Variants in NCAN observed in about 807,000 individuals in gnomAD.
NCAN encodes the protein neurocan.
NCAN carries 47 observed loss-of-function variants against 121.8 expected under a neutral mutation model. The observed-to-expected ratio is 0.39, with a 90% confidence interval of 0.31 to 0.49. The LOEUF is 0.49. NCAN is among the 20% of genes least tolerant of loss of function. The pLI, the probability that NCAN is intolerant of heterozygous loss-of-function variation, is 0.92. For missense variants in NCAN, 1,517 were observed against 1,773.4 expected (o/e 0.86, Z 2.60); for synonymous variants, 633 against 702.0 (o/e 0.90, Z 1.55).
intron 3 of NCAN, among the ~76,000 whole-genome samples, chr19:19,223,394 C>T (rs1389099433): frequency 6.6e-6 from 1 of 152,088 alleles, no homozygotes; most frequent in Non-Finnish European, 1.5e-5. Context: ...CTTTCTGACC[C>T]TAAGTTTCCT....
rs770184569 is a variant in NCAN at position 19,226,821 on chromosome 19, G to T, written c.1408G>T (p.Val470Leu). 20 of 1,613,182 alleles carry T rather than the reference G, an allele frequency of 1.2e-5. No homozygotes were observed. Among genetic ancestry groups the T allele is most frequent in the Admixed American group, 1.7e-5 (1 of 60,000 alleles). ...AGTAASSHTE[V>L]APTDPMPRRR... ...CACTGCAGCAAGTTCACACACGGAG[G>T]TGGCCCCAACTGACCCTATGCCTAG... Residue 470 changes from valine (V) to leucine (L), a missense_variant, in exon 7 of 15, where the codon GTG (valine) becomes TTG (leucine). Physicochemically the swap from Val to Leu is conservative, Grantham distance 32. Coordinates refer to ENST00000252575, the MANE Select transcript of NCAN (RefSeq NM_004386.3).
chr19:19,225,149 G>A lies in NCAN; in HGVS notation c.951G>A (p.Pro317=), dbSNP rs573416265. Residue 317 remains proline, a synonymous_variant, in exon 6 of 15, where the codon CCG becomes CCA. Coordinates refer to ENST00000252575, the MANE Select transcript of NCAN (RefSeq NM_004386.3). The surrounding 1 kb of genome is among the most constrained non-coding windows in gnomAD (Gnocchi z 4.0). ...GWLADGSVRY[P]IQTPRRRCGG... is the part of the protein sequence containing the mutation. ...TGGCCGACGGCAGCGTGCGCTACCC[G>A]ATCCAGACGCCGCGCCGGCGCTGCG... 1.3e-6 allele frequency: 2 copies of A among 1,530,626 alleles called. No homozygotes were observed. The highest frequency in any genetic ancestry group is 2.4e-5 in the South Asian group (2 of 83,538). 94.8% of individuals were successfully genotyped at this position (1,530,626 alleles called of 1,614,324 possible).
At position 19,245,474 on chromosome 19, in the gene NCAN, G is replaced by A; in HGVS notation, c.3637+17G>A. 1 of 1,607,764 alleles carries A rather than the reference G, an allele frequency of 6.2e-7. No homozygotes were observed. The highest frequency in any genetic ancestry group is 8.5e-7 in the Non-Finnish European group (1 of 1,176,196). On this transcript the variant is annotated intron_variant, in intron 13 of 14. Transcript: ENST00000252575. Reference sequence around the variant, plus strand: ...AGGGCACAGGTATGCTGTGCCCCCTGCTTCTTTTCCTCTCTGTCACTTTTG... The same window carrying A: ...AGGGCACAGGTATGCTGTGCCCCCTACTTCTTTTCCTCTCTGTCACTTTTG...
chr19:19,215,135 C>T (rs990496737), intron 1 of NCAN, among the ~76,000 whole-genome samples: 1 of 152,060 alleles, frequency 6.6e-6, no homozygotes, highest in Admixed American at 6.5e-5. Flanking sequence ...AGTTCAGCAC[C>T]ACGGACAGGT....
At chr19:19,248,269 AC>A (rs1349242227) in intron 13 of NCAN, among the ~76,000 whole-genome samples, 2 of 151,982 alleles carry the variant, frequency 1.3e-5, no homozygotes, top group East Asian at 3.9e-4. Flanking sequence ...ATATGACGAA[AC>A]CCGGTCTCTA....
At chr19:19,238,130 G>A in intron 10 of NCAN, 123 bp from the exon 11 acceptor site, 2 of 1,250,268 alleles carry the variant, frequency 1.6e-6, no homozygotes, top group Non-Finnish European at 2.3e-6. Flanking sequence ...CATGGGGAGA[G>A]GGGTGATTTC....
chr19:19,245,998 G>A (rs544650482), intron 13 of NCAN, among the ~76,000 whole-genome samples: 2 of 151,704 alleles, frequency 1.3e-5, no homozygotes, highest in African/African-American at 4.8e-5. Flanking sequence ...AAGGTGGGTG[G>A]GATTATATTT....
At chr19:19,232,281 C>T (rs1425076721) in intron 8 of NCAN, among the ~76,000 whole-genome samples, 6 of 152,266 alleles carry the variant, frequency 3.9e-5, no homozygotes, top group East Asian at 1.9e-4. Context: ...GCTACCCACC[C>T]GCCGCTTGCA....
chr19:19,235,002 C>T lies in NCAN; in HGVS notation c.3156C>T (p.Cys1052=). ...NCEIDIDDCL[C]SPCENGGTCI... is the part of the protein sequence containing the mutation. ...TGCCAGACATTGATGACTGCCTCTG[C>T]AGCCCCTGTGAGAATGGAGGCACCT... The change falls in exon 10 of 15, where the codon TGC becomes TGT. Residue 1052 remains cysteine (C), a synonymous_variant. Coordinates refer to ENST00000252575, the MANE Select transcript of NCAN (RefSeq NM_004386.3). 6.2e-7 allele frequency: 1 copy of T among 1,610,982 alleles called. No individual in the cohort carries two copies. The highest frequency in any genetic ancestry group is 8.5e-7 in the Non-Finnish European group (1 of 1,177,754).
At position 19,212,266 on chromosome 19, in the gene NCAN, G is replaced by A. The variant is rs1015206149; in HGVS notation, c.-8+202G>A. 6.6e-6 allele frequency among the ~76,000 whole-genome samples: 1 copy of A among 151,586 alleles called. No homozygotes were observed. The highest frequency in any genetic ancestry group is 2.4e-5 in the African/African-American group (1 of 41,230). On this transcript the variant is annotated intron_variant, in intron 1 of 14. Coordinates refer to ENST00000252575, the MANE Select transcript of NCAN (RefSeq NM_004386.3). The surrounding 1 kb of genome is among the most constrained non-coding windows in gnomAD (Gnocchi z 4.5). ...AATGCTAGGTGAACAGACATTTGGG[G>A]AGGAAGGTTGTCCGCGGAATCCGGA...
intron 11 of NCAN, among the ~76,000 whole-genome samples, chr19:19,240,270 T>G (rs1203537086): frequency 6.6e-6 from 1 of 151,222 alleles, no homozygotes; most frequent in Non-Finnish European, 1.5e-5. Flanking sequence ...CTCTGTAAAC[T>G]TCACTTCTAT....
rs1396995508 is a variant in NCAN at position 19,218,941 on chromosome 19, G to A, written c.100G>A (p.Glu34Lys). 3.3e-6 allele frequency: 5 copies of A among 1,523,258 alleles called. No individual in the cohort carries two copies. The highest frequency in any genetic ancestry group is 2.1e-5 in the Admixed American group (1 of 47,072). The allele number at this position is 1,523,258 out of a possible 1,614,324, so 94.4% of individuals were successfully genotyped here. A position where few individuals can be genotyped will look rare whatever the true frequency, so the allele number is the denominator to read the frequency against. ...QGTQDITDASERGLHMQKLGS... is the reference protein window; with the variant it reads ...QGTQDITDASKRGLHMQKLGS... ...CACACAGGATATCACCGATGCCAGC[G>A]AAAGGGGGCTCCACATGCAGAAGCT... Residue 34 changes from glutamate (E) to lysine (K), a missense_variant, in exon 3 of 15, where the codon GAA becomes AAA. Glu to Lys is a moderately conservative substitution (Grantham distance 56). Transcript: ENST00000252575.
chr19:19,225,026 G>T lies in NCAN; in HGVS notation c.828G>T (p.Ala276=). 6.7e-7 allele frequency: 1 copy of T among 1,492,532 alleles called. No individual in the cohort carries two copies. Among genetic ancestry groups the T allele is most frequent in the Non-Finnish European group, 8.8e-7 (1 of 1,130,166 alleles). 92.5% of individuals were successfully genotyped at this position (1,492,532 alleles called of 1,614,324 possible). ...CCCGCCGCCTGACACTGGCCGGCGC[G>T]CGTGCACAGTGCCGCCGCCAGGGTG... ...GPARRLTLAG[A]RAQCRRQGAA... Residue 276 remains alanine, a synonymous_variant, in exon 6 of 15, where the codon GCG becomes GCT. Coordinates refer to ENST00000252575, the MANE Select transcript of NCAN (RefSeq NM_004386.3). The surrounding 1 kb of genome is among the most constrained non-coding windows in gnomAD (Gnocchi z 4.0).
intron 13 of NCAN, among the ~76,000 whole-genome samples, chr19:19,247,176 C>T (rs1315976994): frequency 1.3e-5 from 2 of 151,818 alleles, no homozygotes; most frequent in African/African-American, 4.8e-5. Context: ...CACTTGAACT[C>T]CAGGGCTCAA....
At chr19:19,234,573 G>T (rs1388374273) in intron 9 of NCAN, among the ~76,000 whole-genome samples, 5 of 152,192 alleles carry the variant, frequency 3.3e-5, no homozygotes, top group Non-Finnish European at 5.9e-5. Context: ...TCTACACATG[G>T]ACCAGTAGAA....
Position 19,226,929 on chromosome 19 carries a change from G to GCCAGCGC in NCAN, c.1522_1528dup (p.Pro510ArgfsTer36). The GCCAGCGC allele has an allele frequency of 6.3e-7, 1 of 1,590,870 alleles. No homozygotes were observed. Among genetic ancestry groups the GCCAGCGC allele is most frequent in the Non-Finnish European group, 8.6e-7 (1 of 1,166,956 alleles). On this transcript the variant is annotated frameshift_variant, in exon 7 of 15. Coordinates refer to ENST00000252575, the MANE Select transcript of NCAN (RefSeq NM_004386.3). LOFTEE classifies it high-confidence loss of function. ...GCCGGGGCTGCAAGGGGGGATGGAG[G>GCCAGCGC]CCAGCGCCCAGCCCCCCACCTCAGA...
At chr19:19,243,603 A>G (rs2060912281) in intron 12 of NCAN, among the ~76,000 whole-genome samples, 1 of 151,630 alleles carries the variant, frequency 6.6e-6, no homozygotes, top group East Asian at 1.9e-4. Context: ...AGTGCATTAA[A>G]CTGCACACCG....
intron 1 of NCAN, among the ~76,000 whole-genome samples, chr19:19,213,877 A>T (rs1355218266): frequency 6.6e-6 from 1 of 152,138 alleles, no homozygotes; most frequent in African/African-American, 2.4e-5. Flanking sequence ...ATTCACACCC[A>T]TGCACACTAA....
intron 1 of NCAN, among the ~76,000 whole-genome samples, chr19:19,215,410 C>G (rs1227500306): frequency 6.6e-6 from 1 of 152,190 alleles, no homozygotes; most frequent in African/African-American, 2.4e-5. Flanking sequence ...TTCCTAGTCT[C>G]TGGAACAATG....
Sources: gnomAD v4.1 joint callset for allele counts (sites outside exome capture counted in the v4.1 genomes callset) on GRCh38, gnomAD v4.1.1 for gene constraint, Gnocchi (gnomAD v3.1) non-coding constraint, MANE v1.5 for transcripts, NCBI Gene and HGNC (gene_info 2026-07-23, HGNC 2026-07-21) for gene names.